PPP2R2C: variants seen among roughly 807,000 people sequenced by gnomAD.
PPP2R2C encodes protein phosphatase 2, regulatory subunit B, gamma.
Under a neutral mutation model 45.3 loss-of-function variants are expected in PPP2R2C, and 10 were observed. The ratio of observed to expected loss-of-function variants is 0.22; its 90% CI spans 0.14 to 0.37. The LOEUF (loss-of-function observed/expected upper bound fraction) is 0.37, where lower values mean the gene tolerates loss of function less well. PPP2R2C is among the 10% of genes least tolerant of loss of function. The pLI is 1.00. For missense variants in PPP2R2C, 308 were observed against 619.7 expected (o/e 0.50, Z 5.34); for synonymous variants, 257 against 245.4 (o/e 1.05, Z -0.44).
chr4:6,510,597 C>T (rs555785148), intron 2 of PPP2R2C, among the ~76,000 whole-genome samples: 5 of 152,286 alleles, frequency 3.3e-5, no homozygotes, highest in South Asian at 2.1e-4. Flanking sequence ...TACACACGCA[C>T]GCACACACGC....
In PPP2R2C at chr4:6,352,337, CT is replaced by C. The variant is rs202030191; in HGVS notation, c.626-4328del. On this transcript the variant is annotated intron_variant, in intron 5 of 8. Coordinates refer to ENST00000382599, the MANE Select transcript of PPP2R2C (RefSeq NM_020416.4). Reference sequence around the variant, plus strand: ...GCAAAATGAGGGCCTGGGCCCTTTCCTTTCCAGGACTAACCGCAGGTGGCCC... The same window carrying C: ...GCAAAATGAGGGCCTGGGCCCTTTCCTTCCAGGACTAACCGCAGGTGGCCC... 9.1e-3 allele frequency among the ~76,000 whole-genome samples: 1,382 copies of C among 152,256 alleles called. 16 individuals are homozygous for C. Among genetic ancestry groups the C allele is most frequent in the African/African-American group, 0.031 (1,288 of 41,530 alleles).
At chr4:6,416,652 C>G (rs978521272) in intron 1 of PPP2R2C, among the ~76,000 whole-genome samples, 1 of 152,238 alleles carries the variant, frequency 6.6e-6, no homozygotes. Flanking sequence ...GCAGCCACCC[C>G]GATGCGCTGG....
At chr4:6,489,488 T>C (rs1722628202) in intron 2 of PPP2R2C, among the ~76,000 whole-genome samples, 1 of 152,176 alleles carries the variant, frequency 6.6e-6, no homozygotes, top group African/African-American at 2.4e-5. Context: ...ACAAAACTCC[T>C]TTTATTATGC....
rs1226753191 is a variant in PPP2R2C, at chr4:6,437,880, T to C, written c.70+34280A>G. Among the ~76,000 whole-genome samples, 9 of 152,158 alleles carry C rather than the reference T, an allele frequency of 5.9e-5. No individual in the cohort carries two copies. In the East Asian group the frequency reaches 1.3e-3, roughly 23 times the overall value. ...CTGTTTTTACGTGCATCGGCTGCTG[T>C]CTCATCATAATGGAACCAACTACAG... On this transcript the variant is annotated intron_variant, in intron 1 of 8. Coordinates refer to ENST00000382599, the MANE Select transcript of PPP2R2C (RefSeq NM_020416.4).
intron 1 of PPP2R2C, among the ~76,000 whole-genome samples, chr4:6,415,020 T>C (rs1191235762): frequency 1.3e-5 from 2 of 152,142 alleles, no homozygotes; most frequent in African/African-American, 4.8e-5. Context: ...GAAGGGATGG[T>C]GTCAGGAACA....
intron 2 of PPP2R2C, among the ~76,000 whole-genome samples, chr4:6,527,332 T>C (rs548282134): frequency 6.6e-6 from 1 of 152,296 alleles, no homozygotes; most frequent in South Asian, 2.1e-4. Context: ...TTTCTGGCTC[T>C]AAGAAAAGTC....
At position 6,525,130 on chromosome 4, in the gene PPP2R2C, C is replaced by T. The variant is rs923923549; in HGVS notation, c.49+10141G>A. ...ATAAACAATAAAAATAAAAGCTGGGCGTGGTGGCACACACCTGTAATCCCA... is the reference window on the plus strand; with the variant it reads ...ATAAACAATAAAAATAAAAGCTGGGTGTGGTGGCACACACCTGTAATCCCA... On this transcript the variant is annotated intron_variant, in intron 2 of 9. Transcript: ENST00000506140. Among the ~76,000 whole-genome samples the T allele has an allele frequency of 1.7e-3, 254 of 152,082 alleles. 2 individuals carry two copies. Among genetic ancestry groups the T allele is most frequent in the African/African-American group, 5.8e-3 (241 of 41,490 alleles).
chr4:6,460,005 G>A (rs1435257385), intron 1 of PPP2R2C, among the ~76,000 whole-genome samples: 1 of 151,992 alleles, frequency 6.6e-6, no homozygotes, highest in Admixed American at 6.5e-5. Context: ...CACGCAAAAA[G>A]GTGCAAAGAT....
In PPP2R2C at chr4:6,332,154, T is replaced by C. The variant is rs1035743480; in HGVS notation, c.960+1408A>G. On this transcript the variant is annotated intron_variant, in intron 7 of 8. Coordinates refer to ENST00000382599, the MANE Select transcript of PPP2R2C (RefSeq NM_020416.4). The surrounding 1 kb of genome is among the most constrained non-coding windows in gnomAD (Gnocchi z 4.9). ...GTTTCAGGGGTTCATGGGCCTTTGC[T>C]GACCTCAGGGATGGAGGTAAGTGAC... Among the ~76,000 whole-genome samples, 2 of 152,170 alleles carry C rather than the reference T, an allele frequency of 1.3e-5. No individual in the cohort carries two copies. The highest frequency in any genetic ancestry group is 2.4e-5 in the African/African-American group (1 of 41,436).
Position 6,402,402 on chromosome 4 carries a change from C to T in PPP2R2C, c.71-21308G>A, listed in dbSNP as rs112024521. ...GGGTGTGCTTGGCCCTGCCACTTCC[C>T]GGTTATGTCTCCTCAGTGTTCTCAC... On this transcript the variant is annotated intron_variant, in intron 1 of 8. Coordinates refer to ENST00000382599, the MANE Select transcript of PPP2R2C (RefSeq NM_020416.4). Among the ~76,000 whole-genome samples, 337 of 152,328 alleles carry T rather than the reference C, an allele frequency of 2.2e-3. 2 individuals are homozygous for T. Among genetic ancestry groups the T allele is most frequent in the African/African-American group, 7.7e-3 (321 of 41,580 alleles).
chr4:6,373,940 C>T (rs1715096100), intron 4 of PPP2R2C, among the ~76,000 whole-genome samples: 1 of 149,708 alleles, frequency 6.7e-6, no homozygotes, highest in Non-Finnish European at 1.5e-5. Flanking sequence ...CACGCAGCAC[C>T]GGTGTGAGTG....
intron 5 of PPP2R2C, among the ~76,000 whole-genome samples, chr4:6,362,071 AG>A (rs1713805320): frequency 1.3e-5 from 2 of 151,858 alleles, no homozygotes; most frequent in Admixed American, 1.3e-4. Context: ...GGGGAGTGCA[AG>A]GCTCAGAGGT....
intron 2 of PPP2R2C, among the ~76,000 whole-genome samples, chr4:6,525,776 T>C (rs1724177867): frequency 6.6e-6 from 1 of 152,158 alleles, no homozygotes; most frequent in South Asian, 2.1e-4. Flanking sequence ...CGATCTCCAC[T>C]CACTGCAACC....
At chr4:6,380,500 A>T (rs1435330395) in intron 2 of PPP2R2C, 1 of 158,574 alleles carries the variant, frequency 6.3e-6, no homozygotes, top group Non-Finnish European at 1.4e-5. Flanking sequence ...ACAGCTGGGC[A>T]AGAGTGGAGT....
intron 1 of PPP2R2C, among the ~76,000 whole-genome samples, chr4:6,435,892 C>A (rs1458858235): frequency 6.6e-6 from 1 of 152,156 alleles, no homozygotes; most frequent in Non-Finnish European, 1.5e-5. Context: ...GGCTCCCACA[C>A]CAGTTGTTAT....
intron 5 of PPP2R2C, among the ~76,000 whole-genome samples, chr4:6,365,943 G>C (rs1438562613): frequency 6.6e-6 from 1 of 152,194 alleles, no homozygotes; most frequent in African/African-American, 2.4e-5. Flanking sequence ...AGATGCATCA[G>C]ACTCAAGAAA....
In PPP2R2C at chr4:6,472,343, C is replaced by T; in HGVS notation, c.-114G>A. 7.8e-7 allele frequency: 1 copy of T among 1,285,066 alleles called. No homozygotes were observed. The highest frequency in any genetic ancestry group is 2.6e-4 in the Middle Eastern group (1 of 3,858). The allele number at this position is 1,285,066 out of a possible 1,614,324, so 79.6% of individuals were successfully genotyped here. On this transcript the variant is annotated 5_prime_UTR_variant, in exon 1 of 9. Transcript: ENST00000382599. Reference sequence around the variant, plus strand: ...GCCGCAGCCTAGCAGGGGCGCGGGCCGCCGGGGCCCCGAAGGGAGGGCATC... The same window carrying T: ...GCCGCAGCCTAGCAGGGGCGCGGGCTGCCGGGGCCCCGAAGGGAGGGCATC...
chr4:6,391,813 C>A (rs766294365), intron 1 of PPP2R2C, among the ~76,000 whole-genome samples: 1 of 152,210 alleles, frequency 6.6e-6, no homozygotes, highest in Non-Finnish European at 1.5e-5. Context: ...ATGCAGTGAT[C>A]CCCCAGAACT....
intron 1 of PPP2R2C, among the ~76,000 whole-genome samples, chr4:6,540,504 T>C (rs1724773783): frequency 6.6e-6 from 1 of 152,270 alleles, no homozygotes; most frequent in Non-Finnish European, 1.5e-5. Context: ...GTTTTCATTT[T>C]TGGCTACTAT....
Sources: allele counts gnomAD v4.1 joint callset (sites outside exome capture counted in the v4.1 genomes callset), GRCh38; gene constraint gnomAD v4.1.1; non-coding constraint Gnocchi (gnomAD v3.1); transcripts MANE v1.5; gene names NCBI Gene and HGNC (gene_info 2026-07-23, HGNC 2026-07-21).